The following INTS1 variants were observed in gnomAD, a reference collection of about 807,000 sequenced individuals.
The protein encoded by INTS1 is integrator complex subunit 1.
Under a neutral mutation model 241.6 loss-of-function variants are expected in INTS1, and 137 were observed. The ratio of observed to expected loss-of-function variants is 0.57; its 90% CI spans 0.49 to 0.65. The LOEUF (loss-of-function observed/expected upper bound fraction) is 0.65, where lower values mean the gene tolerates loss of function less well. INTS1 is among the 30% of genes least tolerant of loss of function. The pLI is 0.00. For synonymous variants in INTS1, 1,692 were observed against 1,337.8 expected (o/e 1.26, Z -5.78); for missense variants, 3,073 against 3,032.2 (o/e 1.01, Z -0.32).
At chr7:1,472,446 C>G in intron 43 of INTS1, 60 bp from the exon 44 acceptor site, 1 of 1,229,920 alleles carries the variant, frequency 8.1e-7, no homozygotes, top group Non-Finnish European at 1.1e-6. Flanking sequence ...CACACTGAGG[C>G]ACCAGGACCT....
chr7:1,494,235 A>G (rs953829081), intron 14 of INTS1, among the ~76,000 whole-genome samples: 6 of 152,154 alleles, frequency 3.9e-5, no homozygotes, highest in African/African-American at 1.4e-4. Context: ...TCTTGCCCTC[A>G]AGGAGCTGGG....
Position 1,479,416 on chromosome 7 carries a change from C to A in INTS1, c.4329+14G>T, listed in dbSNP as rs371916533. ...ACTGCCCTCCTCCCCCGCAAGAGGC[C>A]CACGCCCAAGTACCTGGTACTGGCA... On this transcript the variant is annotated intron_variant, in intron 31 of 47. Coordinates refer to ENST00000404767, the MANE Select transcript of INTS1 (RefSeq NM_001080453.3). 18 of 1,564,800 alleles carry A rather than the reference C, an allele frequency of 1.2e-5. No individual in the cohort carries two copies. The highest frequency in any genetic ancestry group is 1.5e-5 in the Non-Finnish European group (17 of 1,155,586).
At position 1,476,851 on chromosome 7, in the gene INTS1, C is replaced by G. The variant is rs1348074301; in HGVS notation, c.5006G>C (p.Ser1669Thr). Residue 1669 changes from serine (S) to threonine (T), a missense_variant, in exon 36 of 48, where the codon AGC becomes ACC. Transcript: ENST00000404767. ...GATGCACTGGTGCAGTGTGGGCCAGCTGGACTGATGCGTGAAGAGGGTCAG... is the reference window on the plus strand; with the variant it reads ...GATGCACTGGTGCAGTGTGGGCCAGGTGGACTGATGCGTGAAGAGGGTCAG... Reference protein sequence around the residue: ...YLLTLFTHQSSWPTLHQCIRV... With the variant: ...YLLTLFTHQSTWPTLHQCIRV... 5 of 1,612,970 alleles carry G rather than the reference C, an allele frequency of 3.1e-6. No homozygotes were observed. The highest frequency in any genetic ancestry group is 2.7e-5 in the African/African-American group (2 of 75,054).
At position 1,498,483 on chromosome 7, in the gene INTS1, T is replaced by C; in HGVS notation, c.1354A>G (p.Ser452Gly). The C allele has an allele frequency of 6.2e-7, 1 of 1,613,952 alleles. No individual in the cohort carries two copies. The highest frequency in any genetic ancestry group is 2.2e-5 in the East Asian group (1 of 44,884). The part of the protein sequence containing the change: ...IKLVIFNELS[S>G]ARNPNNMQVL... ...TGCATGTTGTTCGGGTTCCGGGCGCTGGAGAGCTCATTGAAGATCACCAAC... is the reference window on the plus strand; with the variant it reads ...TGCATGTTGTTCGGGTTCCGGGCGCCGGAGAGCTCATTGAAGATCACCAAC... Residue 452 changes from serine to glycine, a missense_variant, in exon 10 of 48, where the codon AGC becomes GGC. Physicochemically the swap from Ser to Gly is moderately conservative, Grantham distance 56 (BLOSUM62 0). Transcript: ENST00000404767.
intron 12 of INTS1, 129 bp downstream of exon 12, chr7:1,496,027 C>T (rs538355489): frequency 1.6e-5 from 11 of 681,202 alleles, no homozygotes; most frequent in Admixed American, 8.1e-5. Flanking sequence ...TCCGTGTCCC[C>T]GAGTAGCCGT....
Position 1,484,079 on chromosome 7 carries a change from C to T in INTS1, c.3353G>A (p.Ser1118Asn), listed in dbSNP as rs1250093626. The T allele has an allele frequency of 6.2e-7, 1 of 1,612,622 alleles. No individual in the cohort carries two copies. The highest frequency in any genetic ancestry group is 8.5e-7 in the Non-Finnish European group (1 of 1,179,778). Reference protein sequence around the residue: ...SPSAASDAVLSALLSIFSRYV... With the variant: ...SPSAASDAVLNALLSIFSRYV... ...GCGTGAGAAGATGGACAACAGAGCGCTCAGCACGGCGTCCGACGCGGCACT... is the reference window on the plus strand; with the variant it reads ...GCGTGAGAAGATGGACAACAGAGCGTTCAGCACGGCGTCCGACGCGGCACT... Residue 1118 changes from serine (S) to asparagine (N), a missense_variant, in exon 25 of 48, where the codon AGC (serine) becomes AAC (asparagine). Physicochemically the swap from Ser to Asn is conservative, Grantham distance 46 (BLOSUM62 1). Transcript: ENST00000404767.
rs1374623830 is a variant in INTS1 at position 1,474,339 on chromosome 7, C to A, written c.5658G>T (p.Ala1886=). Residue 1886 remains alanine, a synonymous_variant, in exon 41 of 48, where the codon GCG becomes GCT. Coordinates refer to ENST00000404767, the MANE Select transcript of INTS1 (RefSeq NM_001080453.3). ...LLLRHLPMIA[A]LLHGRTHLNF... ...TGAGGTGGGTGCGGCCGTGCAGGAG[C>A]GCCGCGATCATGGGCAGGTGCCTGC... 1.2e-6 allele frequency: 2 copies of A among 1,601,730 alleles called. No homozygotes were observed. Among genetic ancestry groups the A allele is most frequent in the South Asian group, 1.1e-5 (1 of 90,560 alleles).
Position 1,478,064 on chromosome 7 carries a change from AGCCAGAGAGGAGAGTGCAGCCGGG to A in INTS1, c.4631-152_4631-129del. On this transcript the variant is annotated intron_variant, in intron 33 of 47. Transcript: ENST00000404767. ...GGACACAAGAGCAGAGTCCAGCCGG[AGCCAGAGAGGAGAGTGCAGCCGGG>A]GCCGGAGAGGAGAGTGCGGCCGGGG... is the stretch of plus-strand genomic sequence containing the variant. 3 of 818,294 alleles carry A rather than the reference AGCCAGAGAGGAGAGTGCAGCCGGG, an allele frequency of 3.7e-6. No homozygotes were observed. In the South Asian group the frequency reaches 4.8e-5, roughly 13 times the overall value. 50.7% of individuals were successfully genotyped at this position (818,294 alleles called of 1,614,324 possible).
intron 44 of INTS1, 93 bp from the exon 45 acceptor site, chr7:1,471,734 G>C: frequency 8.4e-7 from 1 of 1,189,560 alleles, no homozygotes; most frequent in Non-Finnish European, 1.2e-6. Flanking sequence ...AAGGCCCCGA[G>C]CACCACAGGA....
Position 1,481,609 on chromosome 7 carries a change from G to GTGGGCTC in INTS1, c.3704-128_3704-122dup, listed in dbSNP as rs1420446055. Reference sequence around the variant, plus strand: ...CCACCCACCTGAGACCCTGGGCCACGTGGGCTCGGTGACCCCACCCAAGAC... The same window carrying GTGGGCTC: ...CCACCCACCTGAGACCCTGGGCCACGTGGGCTCTGGGCTCGGTGACCCCACCCAAGAC... On this transcript the variant is annotated intron_variant, in intron 27 of 47. Transcript: ENST00000404767. This position sits in a 1 kb window ranked among gnomAD's most constrained non-coding sequence, Gnocchi z 6.8. 1.1e-6 allele frequency: 1 copy of GTGGGCTC among 914,044 alleles called. No homozygotes were observed. Among genetic ancestry groups the GTGGGCTC allele is most frequent in the Admixed American group, 3.9e-5 (1 of 25,434 alleles). 56.6% of individuals were successfully genotyped at this position (914,044 alleles called of 1,614,324 possible).
intron 2 of INTS1, among the ~76,000 whole-genome samples, chr7:1,503,698 G>A (rs1783314947): frequency 6.6e-6 from 1 of 152,172 alleles, no homozygotes; most frequent in Non-Finnish European, 1.5e-5. Context: ...CCGGGGTCCC[G>A]AAGGAAGTCG....
intron 16 of INTS1, among the ~76,000 whole-genome samples, chr7:1,492,735 G>A (rs1385369602): frequency 6.6e-6 from 1 of 152,256 alleles, no homozygotes; most frequent in Non-Finnish European, 1.5e-5. Context: ...CCAGGTAACG[G>A]TTGGACTCGG....
chr7:1,503,332 C>T, intron 2 of INTS1, 141 bp from the exon 3 acceptor site: 1 of 867,906 alleles, frequency 1.2e-6, no homozygotes, highest in South Asian at 1.8e-5. Flanking sequence ...CACTCAGCAG[C>T]CTACAGCAGA....
At chr7:1,473,778 C>T in intron 41 of INTS1, 85 bp from the exon 42 acceptor site, 1 of 1,542,936 alleles carries the variant, frequency 6.5e-7, no homozygotes. Flanking sequence ...CCCAGAGCCT[C>T]AGGGCATGGA....
intron 12 of INTS1, 69 bp downstream of exon 12, chr7:1,496,087 G>T: frequency 7.9e-7 from 1 of 1,264,986 alleles, no homozygotes; most frequent in Non-Finnish European, 1.1e-6. Flanking sequence ...CAGCCTCGGA[G>T]AGCCGCCAGC....
chr7:1,481,535 C>A lies in INTS1; in HGVS notation c.3704-47G>T, dbSNP rs1478827704. The A allele has an allele frequency of 3.2e-6, 5 of 1,556,442 alleles. No homozygotes were observed. Among genetic ancestry groups the A allele is most frequent in the Admixed American group, 3.5e-5 (2 of 57,262 alleles). On this transcript the variant is annotated intron_variant, in intron 27 of 47. Transcript: ENST00000404767. The surrounding 1 kb of genome is among the most constrained non-coding windows in gnomAD (Gnocchi z 6.8). ...AACGCCACCCAAAACCCGGGCAATG[C>A]GCACTCGGGACCCCACCCGAGACCT...
At position 1,471,171 on chromosome 7, in the gene INTS1, G is replaced by A. The variant is rs758080475; in HGVS notation, c.6309C>T (p.Ala2103=). 1 of 1,583,108 alleles carries A rather than the reference G, an allele frequency of 6.3e-7. No homozygotes were observed. Among genetic ancestry groups the A allele is most frequent in the South Asian group, 1.2e-5 (1 of 86,364 alleles). Residue 2103 remains alanine, a synonymous_variant, in exon 46 of 48, where the codon GCC becomes GCT. Coordinates refer to ENST00000404767, the MANE Select transcript of INTS1 (RefSeq NM_001080453.3). ...SSAEECCRNL[A]FSLALRSMQN... is the part of the protein sequence containing the mutation. ...GCATGGAGCGCAGGGCCAGGCTGAA[G>A]GCGAGGTTGCGGCAACACTCCTCGG...
At chr7:1,499,198 G>T in intron 7 of INTS1, 37 bp from the exon 8 acceptor site, 2 of 1,602,818 alleles carry the variant, frequency 1.2e-6, no homozygotes, top group African/African-American at 1.3e-5. Flanking sequence ...GAGGAAGGTG[G>T]CCCCGAGGCG....
chr7:1,488,013 G>C, intron 18 of INTS1, 56 bp from the exon 19 acceptor site: 1 of 1,573,438 alleles, frequency 6.4e-7, no homozygotes, highest in Non-Finnish European at 8.7e-7. Flanking sequence ...CTCACTCCCA[G>C]TGGGCCACGC....
Sources: gnomAD v4.1 joint callset for allele counts (sites outside exome capture counted in the v4.1 genomes callset) on GRCh38, gnomAD v4.1.1 for gene constraint, Gnocchi (gnomAD v3.1) non-coding constraint, MANE v1.5 for transcripts, NCBI Gene and HGNC (gene_info 2026-07-23, HGNC 2026-07-21) for gene names.